The following DPP10 variants were observed in gnomAD, a reference collection of about 807,000 sequenced individuals.
DPP10 encodes dipeptidyl peptidase like 10.
DPP10 carries 33 observed loss-of-function variants against 120.9 expected under a neutral mutation model. The observed-to-expected ratio is 0.27, with a 90% CI of 0.21 to 0.37. The LOEUF is 0.37. Ranked by LOEUF, DPP10 falls within the 10% of genes least tolerant of loss-of-function variation. The pLI is 1.00. For synonymous variants in DPP10, 337 were observed against 326.1 expected (o/e 1.03, Z -0.36); for missense variants, 816 against 942.8 (o/e 0.87, Z 1.76).
intron 1 of DPP10, among the ~76,000 whole-genome samples, chr2:115,046,670 G>A (rs779776259): frequency 3.3e-5 from 5 of 152,012 alleles, no homozygotes; most frequent in Admixed American, 6.6e-5. Flanking sequence ...CCTTGTAAAC[G>A]ATGAAACCAA....
chr2:114,522,341 T>C (rs2104668365), intron 1 of DPP10, among the ~76,000 whole-genome samples: 1 of 152,172 alleles, frequency 6.6e-6, no homozygotes, highest in South Asian at 2.1e-4. Context: ...TATATACTAA[T>C]AAGCAATCTA....
intron 3 of DPP10, among the ~76,000 whole-genome samples, chr2:115,409,189 A>T (rs2068751578): frequency 6.6e-6 from 1 of 152,182 alleles, no homozygotes; most frequent in Non-Finnish European, 1.5e-5. Flanking sequence ...AACATTATGA[A>T]CTACTTTATT....
chr2:115,044,601 T>C (rs917950400), intron 1 of DPP10, among the ~76,000 whole-genome samples: 2 of 152,070 alleles, frequency 1.3e-5, no homozygotes, highest in Non-Finnish European at 2.9e-5. Flanking sequence ...TCCCACCTGG[T>C]GCCCCACCTC....
At chr2:115,017,810 C>T (rs1702764262) in intron 1 of DPP10, among the ~76,000 whole-genome samples, 1 of 150,592 alleles carries the variant, frequency 6.6e-6, no homozygotes. Context: ...ACAATGAGAA[C>T]ACTTGGACAC....
At chr2:115,417,946 G>A (rs911866290) in intron 3 of DPP10, among the ~76,000 whole-genome samples, 4 of 152,140 alleles carry the variant, frequency 2.6e-5, no homozygotes, top group African/African-American at 9.7e-5. Context: ...AATGGGCATT[G>A]TTGCCCTAAT....
intron 1 of DPP10, among the ~76,000 whole-genome samples, chr2:115,262,132 T>C (rs370614395): frequency 2.6e-5 from 4 of 152,184 alleles, no homozygotes; most frequent in Admixed American, 2.0e-4. Flanking sequence ...TCTGATAATG[T>C]ATCTCATATC....
At chr2:115,728,707 C>T (rs1167769565) in intron 8 of DPP10, among the ~76,000 whole-genome samples, 1 of 152,044 alleles carries the variant, frequency 6.6e-6, no homozygotes, top group Non-Finnish European at 1.5e-5. Context: ...AATCTCTCTA[C>T]CTCAGATTTG....
intron 5 of DPP10, among the ~76,000 whole-genome samples, chr2:115,657,712 A>T (rs1263182933): frequency 6.6e-6 from 1 of 151,972 alleles, no homozygotes; most frequent in East Asian, 1.9e-4. Flanking sequence ...AAGATGCATC[A>T]TCACGCAATT....
intron 3 of DPP10, among the ~76,000 whole-genome samples, chr2:115,476,852 G>A (rs1229116617): frequency 6.6e-6 from 1 of 152,064 alleles, no homozygotes; most frequent in African/African-American, 2.4e-5. Flanking sequence ...GTGCTAGGAT[G>A]GTTCAACATA....
intron 3 of DPP10, among the ~76,000 whole-genome samples, chr2:115,374,149 T>C (rs1175970347): frequency 1.3e-5 from 2 of 152,146 alleles, no homozygotes; most frequent in Non-Finnish European, 2.9e-5. Flanking sequence ...AAACCAATCA[T>C]GCCTTCCAAA....
intron 1 of DPP10, among the ~76,000 whole-genome samples, chr2:114,829,655 G>T (rs1046168022): frequency 6.6e-6 from 1 of 151,844 alleles, no homozygotes; most frequent in Admixed American, 6.6e-5. Flanking sequence ...CGGATTACAG[G>T]CGTGAGCCAC....
chr2:115,699,464 T>C (rs1232762695), intron 7 of DPP10, among the ~76,000 whole-genome samples: 2 of 152,162 alleles, frequency 1.3e-5, no homozygotes, highest in Non-Finnish European at 2.9e-5. Flanking sequence ...TAGCTGGATG[T>C]GTTGGCAGGC....
At chr2:115,109,603 A>G (rs1357571071) in intron 1 of DPP10, among the ~76,000 whole-genome samples, 1 of 152,222 alleles carries the variant, frequency 6.6e-6, no homozygotes, top group African/African-American at 2.4e-5. Context: ...AGAAAAAGCT[A>G]GAGAGAATTT....
intron 1 of DPP10, among the ~76,000 whole-genome samples, chr2:114,477,277 C>T (rs1368394860): frequency 6.6e-6 from 1 of 151,932 alleles, no homozygotes; most frequent in East Asian, 1.9e-4. Flanking sequence ...TTCTTATATG[C>T]ACTCTTTTGT....
At chr2:114,530,420 T>A (rs1685868767) in intron 1 of DPP10, among the ~76,000 whole-genome samples, 1 of 152,178 alleles carries the variant, frequency 6.6e-6, no homozygotes, top group South Asian at 2.1e-4. Flanking sequence ...GCAGTGAAAG[T>A]AGCCTTCCAT....
At chr2:114,663,199 C>A (rs906727687) in intron 1 of DPP10, among the ~76,000 whole-genome samples, 3 of 150,884 alleles carry the variant, frequency 2.0e-5, no homozygotes, top group Non-Finnish European at 2.9e-5. Context: ...CCTGCGTAAT[C>A]ACTATCTCCA....
chr2:114,851,932 T>A (rs958694009), intron 1 of DPP10, among the ~76,000 whole-genome samples: 20 of 152,110 alleles, frequency 1.3e-4, no homozygotes, highest in East Asian at 1.9e-4. Context: ...GTTTTTTTCA[T>A]GAAAATCTGA....
chr2:114,751,845 C>A (rs181726197), intron 1 of DPP10, among the ~76,000 whole-genome samples: 10 of 152,260 alleles, frequency 6.6e-5, no homozygotes, highest in African/African-American at 2.4e-4. Flanking sequence ...GCTTTTGCAT[C>A]CTTGACTCTA....
chr2:114,527,401 A>G (rs555741816), intron 1 of DPP10, among the ~76,000 whole-genome samples: 5 of 152,298 alleles, frequency 3.3e-5, no homozygotes, highest in African/African-American at 1.2e-4. Flanking sequence ...ACTATTCCGT[A>G]ATGTTCTGTG....
Sources: allele counts gnomAD v4.1 joint callset (sites outside exome capture counted in the v4.1 genomes callset), GRCh38; gene constraint gnomAD v4.1.1; transcripts MANE v1.5; gene names NCBI Gene and HGNC (gene_info 2026-07-23, HGNC 2026-07-21).